Variants in FGF13 observed in about 807,000 individuals in gnomAD.
FGF13 encodes fibroblast growth factor homologous factor 2.
FGF13 carries 2 observed loss-of-function variants against 19.5 expected under a neutral mutation model. The observed-to-expected ratio is 0.10, with a 90% CI of 0.04 to 0.32. The LOEUF (loss-of-function observed/expected upper bound fraction) is 0.32, where lower values mean the gene tolerates loss of function less well. Among genes scored for constraint, FGF13 ranks in the 10% least tolerant of loss-of-function variants. The pLI, the probability that FGF13 is intolerant of heterozygous loss-of-function variation, is 1.00. For missense variants in FGF13, 113 were observed against 192.7 expected, an observed-to-expected ratio of 0.59 and a Z score of 2.45; for synonymous variants, 72 against 76.9, an observed-to-expected ratio of 0.94 and a Z score of 0.33.
chrX:138,772,018 GTATATATATATATATATATATATA>G (rs56411673), intron 3 of FGF13, among the ~76,000 whole-genome samples: 25 of 56,513 alleles, frequency 4.4e-4, no homozygotes, highest in African/African-American at 6.7e-4. Context: ...ATACATATGT[GTATATATATATATATATATATATA>G]TATATATATA....
At chrX:138,982,214 G>C (rs779697581) in intron 1 of FGF13, among the ~76,000 whole-genome samples, 2 of 111,349 alleles carry the variant, frequency 1.8e-5, no homozygotes, top group Non-Finnish European at 3.8e-5. Flanking sequence ...GGTATCATCA[G>C]GATTCAGGGA....
intron 1 of FGF13, among the ~76,000 whole-genome samples, chrX:139,093,748 G>A (rs1436398878): frequency 8.9e-6 from 1 of 111,837 alleles, no homozygotes; most frequent in Non-Finnish European, 1.9e-5. Context: ...TCAGGACGCT[G>A]GGCTTAGGAA....
At chrX:138,637,401 T>G (rs2124099959) in intron 3 of FGF13, among the ~76,000 whole-genome samples, 1 of 112,402 alleles carries the variant, frequency 8.9e-6, no homozygotes, top group East Asian at 2.8e-4. Context: ...GAATGGATTT[T>G]CCTTTCATAA....
At chrX:138,983,414 T>TTATATATATATATA (rs377155816) in intron 1 of FGF13, among the ~76,000 whole-genome samples, 9,514 of 80,752 alleles carry the variant, frequency 0.12, 596 homozygotes, top group Admixed American at 0.18. Context: ...TAAGTTGATC[T>TTATATATATATATA]TATATATATA....
At chrX:139,046,026 G>A (rs1451747468) in intron 1 of FGF13, among the ~76,000 whole-genome samples, 1 of 111,687 alleles carries the variant, frequency 9.0e-6, no homozygotes, top group Admixed American at 9.5e-5. Flanking sequence ...GGCCATTCTT[G>A]CTTTGCTATA....
intron 3 of FGF13, among the ~76,000 whole-genome samples, chrX:138,762,480 G>A (rs143335149): frequency 1.8e-3 from 203 of 112,236 alleles, no homozygotes; most frequent in African/African-American, 5.3e-3. Context: ...TAATTGGCTG[G>A]TTGTTCAAAG....
chrX:139,176,977 G>C (rs746010270), intron 1 of FGF13, among the ~76,000 whole-genome samples: 6 of 111,527 alleles, frequency 5.4e-5, no homozygotes, highest in African/African-American at 2.0e-4. Flanking sequence ...TGAATTTTCT[G>C]TCTGATTGAG....
chrX:138,659,729 T>TA (rs1348243651), intron 3 of FGF13, among the ~76,000 whole-genome samples: 4 of 111,658 alleles, frequency 3.6e-5, no homozygotes, highest in East Asian at 2.8e-4. Flanking sequence ...TATGCAGCCA[T>TA]AAAAAAGAAT....
intron 1 of FGF13, among the ~76,000 whole-genome samples, chrX:139,013,482 T>TATAC (rs2092138823): frequency 1.5e-3 from 1 of 679 alleles, no homozygotes; most frequent in Admixed American, 9.6e-3. Context: ...GAAAATTTTA[T>TATAC]ATATATATAT....
At chrX:139,189,508 C>A (rs4545243) in intron 1 of FGF13, among the ~76,000 whole-genome samples, 1 of 111,687 alleles carries the variant, frequency 9.0e-6, no homozygotes, top group Non-Finnish European at 1.9e-5. Context: ...AGCCTCAAGG[C>A]TCATCTTTTC....
chrX:138,863,302 T>A (rs976256902), intron 2 of FGF13, among the ~76,000 whole-genome samples: 15 of 111,854 alleles, frequency 1.3e-4, no homozygotes, highest in Admixed American at 8.6e-4. Flanking sequence ...TAGTGCTTAC[T>A]CATAATACAC....
chrX:139,072,274 T>A (rs1373739684), intron 1 of FGF13, among the ~76,000 whole-genome samples: 1 of 102,359 alleles, frequency 9.8e-6, no homozygotes, highest in African/African-American at 3.9e-5. Flanking sequence ...TCTCTCTCTC[T>A]CTACACACAC....
At chrX:138,929,064 C>T (rs752064402) in intron 1 of FGF13, among the ~76,000 whole-genome samples, 2 of 111,771 alleles carry the variant, frequency 1.8e-5, no homozygotes, top group African/African-American at 6.5e-5. Context: ...TACAACTTGC[C>T]CAAATAGGCA....
At chrX:139,204,029 A>G (rs1230868981), upstream of FGF13, 1 of 1,205,280 alleles carries the variant, frequency 8.3e-7, no homozygotes, top group Non-Finnish European at 1.1e-6. Flanking sequence ...GAAGGAAAGG[A>G]AAGCAGGCGG....
intron 1 of FGF13, among the ~76,000 whole-genome samples, chrX:139,039,732 GT>G (rs920815673): frequency 2.7e-5 from 3 of 110,900 alleles, no homozygotes; most frequent in African/African-American, 9.8e-5. Flanking sequence ...CATGGATATT[GT>G]TTTTTTCACC....
At chrX:139,110,339 C>T (rs1380276706) in intron 1 of FGF13, among the ~76,000 whole-genome samples, 2 of 109,929 alleles carry the variant, frequency 1.8e-5, no homozygotes, top group Admixed American at 1.9e-4. Context: ...TTGAATTGTA[C>T]TCCAATAATT....
intron 3 of FGF13, among the ~76,000 whole-genome samples, chrX:138,668,213 C>A (rs752009404): frequency 1.8e-5 from 2 of 111,356 alleles, no homozygotes; most frequent in Admixed American, 1.9e-4. Flanking sequence ...GAGGTCTATA[C>A]TACTATTACC....
chrX:138,954,587 T>C (rs1018796910), intron 1 of FGF13, among the ~76,000 whole-genome samples: 3 of 111,955 alleles, frequency 2.7e-5, no homozygotes, highest in Non-Finnish European at 5.6e-5. Context: ...ACTCAGTATC[T>C]ATTATTGTGA....
intron 1 of FGF13, among the ~76,000 whole-genome samples, chrX:138,885,511 C>T (rs896637505): frequency 9.0e-6 from 1 of 111,029 alleles, no homozygotes; most frequent in African/African-American, 3.3e-5. Context: ...CAGCCAACTC[C>T]TGGCCACTTC....
Sources: gnomAD v4.1 joint callset for allele counts (sites outside exome capture counted in the v4.1 genomes callset) on GRCh38, gnomAD v4.1.1 for gene constraint, MANE v1.5 for transcripts, NCBI Gene and HGNC (gene_info 2026-07-23, HGNC 2026-07-21) for gene names.